The following IQUB variants were observed in gnomAD, a reference collection of about 807,000 sequenced individuals.
The protein encoded by IQUB is IQ motif and ubiquitin-like domain-containing protein.
A neutral mutation model predicts 86.4 loss-of-function variants in IQUB; 86 were observed. The ratio of observed to expected loss-of-function variants is 1.00; its 90% CI spans 0.84 to 1.19. The LOEUF (loss-of-function observed/expected upper bound fraction) is 1.19. Ranked by LOEUF, IQUB falls within the 50% of genes most tolerant of loss-of-function variation. IQUB has a pLI of 0.00. For missense variants in IQUB, 946 were observed against 916.9 expected (o/e 1.03, Z -0.41); for synonymous variants, 289 against 304.5 (o/e 0.95, Z 0.53).
Position 123,510,067 on chromosome 7 carries a change from G to T in IQUB, c.398-32C>A, listed in dbSNP as rs112242422. 221 of 1,430,888 alleles carry T rather than the reference G, an allele frequency of 1.5e-4. No homozygotes were observed. The African/African-American group carries it at 2.7e-3, about 18-fold the overall frequency. 88.6% of individuals were successfully genotyped at this position (1,430,888 alleles called of 1,614,324 possible). A position where few individuals can be genotyped will look rare whatever the true frequency, so the allele number is the denominator to read the frequency against. On this transcript the variant is annotated intron_variant, in intron 2 of 12. Coordinates refer to ENST00000324698, the MANE Select transcript of IQUB (RefSeq NM_178827.5). Reference sequence around the variant, plus strand: ...ATTAAATAGAAAAGAAAGAATTATAGTCAAATATAGCAAAGGTCAGCAAAC... The same window carrying T: ...ATTAAATAGAAAAGAAAGAATTATATTCAAATATAGCAAAGGTCAGCAAAC...
At chr7:123,507,499 C>T (rs1796234564) in intron 3 of IQUB, among the ~76,000 whole-genome samples, 1 of 152,166 alleles carries the variant, frequency 6.6e-6, no homozygotes, top group South Asian at 2.1e-4. Context: ...AATTGAGGAG[C>T]ATCTGTAGTC....
At chr7:123,526,847 T>C (rs1345602794) in intron 1 of IQUB, among the ~76,000 whole-genome samples, 2 of 152,240 alleles carry the variant, frequency 1.3e-5, no homozygotes, top group South Asian at 2.1e-4. Context: ...CAGTTGTTCC[T>C]TTCCACGTTT....
At chr7:123,524,220 GT>G (rs1351695365) in intron 1 of IQUB, among the ~76,000 whole-genome samples, 8 of 146,316 alleles carry the variant, frequency 5.5e-5, no homozygotes, top group African/African-American at 1.8e-4. Context: ...CTTTAAAGTA[GT>G]TTTTTCCAAT....
rs1296002931 is a variant in IQUB, at chr7:123,479,803, A to G, written c.1402T>C (p.Leu468=). The G allele has an allele frequency of 2.5e-6, 4 of 1,611,024 alleles. No homozygotes were observed. Reference sequence around the variant, plus strand: ...GTAGTCACTTCACTAACCTTATCCAAAAAAGCTTGTATTGCTGCTTCCTGA... The same window carrying G: ...GTAGTCACTTCACTAACCTTATCCAGAAAAGCTTGTATTGCTGCTTCCTGA... ...ANQEAAIQAF[L]DKCSAPKIWR... is the part of the protein sequence containing the mutation. The change falls in exon 8 of 13, where the codon TTG becomes CTG. Residue 468 remains leucine, a synonymous_variant. Coordinates refer to ENST00000324698, the MANE Select transcript of IQUB (RefSeq NM_178827.5).
intron 7 of IQUB, among the ~76,000 whole-genome samples, chr7:123,488,197 C>A (rs115267717): frequency 0.024 from 3,646 of 151,760 alleles, 126 homozygotes; most frequent in African/African-American, 0.075. Flanking sequence ...AAAAATTATC[C>A]GGGCGCGGTG....
intron 1 of IQUB, among the ~76,000 whole-genome samples, chr7:123,513,533 A>T (rs991810252): frequency 6.6e-6 from 1 of 151,950 alleles, no homozygotes. Flanking sequence ...TTTGCAGTCT[A>T]AAAAAAACCT....
At chr7:123,481,325 T>C (rs978565999) in intron 7 of IQUB, among the ~76,000 whole-genome samples, 1 of 152,142 alleles carries the variant, frequency 6.6e-6, no homozygotes, top group Non-Finnish European at 1.5e-5. Flanking sequence ...TCTGTCCATG[T>C]AAGTCAAGCT....
intron 1 of IQUB, among the ~76,000 whole-genome samples, chr7:123,526,160 GA>G (rs201571857): frequency 0.27 from 40,219 of 150,938 alleles, 5,673 homozygotes; most frequent in Middle Eastern, 0.36. Context: ...GTGTGGTGCT[GA>G]AAAAAATGTA....
intron 1 of IQUB, among the ~76,000 whole-genome samples, chr7:123,520,197 C>G (rs1796839610): frequency 6.6e-6 from 1 of 152,074 alleles, no homozygotes; most frequent in South Asian, 2.1e-4. Flanking sequence ...TTAGTTGTTA[C>G]TTGCCCATTT....
At chr7:123,467,578 C>T (rs1375744192) in intron 9 of IQUB, among the ~76,000 whole-genome samples, 1 of 152,180 alleles carries the variant, frequency 6.6e-6, no homozygotes, top group African/African-American at 2.4e-5. Context: ...CAAGTCCTGG[C>T]CCAGGTCCAG....
chr7:123,508,702 G>C (rs1796295220), intron 3 of IQUB, among the ~76,000 whole-genome samples: 1 of 152,164 alleles, frequency 6.6e-6, no homozygotes, highest in Non-Finnish European at 1.5e-5. Flanking sequence ...TCACCTTATA[G>C]TTAATGTGCA....
At chr7:123,501,436 G>A (rs1795938326) in intron 6 of IQUB, 1 of 152,094 alleles carries the variant, frequency 6.6e-6, no homozygotes, top group Non-Finnish European at 1.5e-5. Flanking sequence ...TTCTCCCAAG[G>A]ACACTCTACA....
intron 7 of IQUB, among the ~76,000 whole-genome samples, chr7:123,494,949 C>G (rs1562856126): frequency 6.6e-6 from 1 of 152,026 alleles, no homozygotes; most frequent in African/African-American, 2.4e-5. Flanking sequence ...ACAATGGTAT[C>G]CTTTAGTCAC....
At chr7:123,470,806 G>A (rs943862425) in intron 8 of IQUB, among the ~76,000 whole-genome samples, 3 of 151,120 alleles carry the variant, frequency 2.0e-5, no homozygotes, top group East Asian at 3.9e-4. Context: ...AGCCGAGATC[G>A]CGCCACTGCA....
At chr7:123,504,279 T>G (rs1225955355) in intron 3 of IQUB, among the ~76,000 whole-genome samples, 1 of 151,944 alleles carries the variant, frequency 6.6e-6, no homozygotes, top group Non-Finnish European at 1.5e-5. Context: ...GAAAACCCAG[T>G]CTCTACTAAA....
intron 1 of IQUB, among the ~76,000 whole-genome samples, chr7:123,517,347 C>T (rs1307878998): frequency 1.3e-5 from 2 of 151,398 alleles, no homozygotes; most frequent in Non-Finnish European, 2.9e-5. Flanking sequence ...CTGGCTAACA[C>T]GGTGAAACCC....
intron 7 of IQUB, among the ~76,000 whole-genome samples, chr7:123,488,214 G>A (rs1484167288): frequency 2.0e-5 from 3 of 151,772 alleles, no homozygotes; most frequent in Non-Finnish European, 1.5e-5. Context: ...GGTGGCCGGC[G>A]CCTGTAGTCC....
At chr7:123,479,220 A>G (rs1004908025) in intron 8 of IQUB, among the ~76,000 whole-genome samples, 3 of 152,158 alleles carry the variant, frequency 2.0e-5, no homozygotes, top group Admixed American at 2.0e-4. Context: ...CACTATGGAA[A>G]CAGACTATTC....
chr7:123,499,094 C>A (rs1795831411), intron 6 of IQUB, among the ~76,000 whole-genome samples: 1 of 151,740 alleles, frequency 6.6e-6, no homozygotes, highest in Non-Finnish European at 1.5e-5. Context: ...TAAATCCCAG[C>A]ATTCCAAAAT....
Sources: gnomAD v4.1 joint callset for allele counts (sites outside exome capture counted in the v4.1 genomes callset) on GRCh38, gnomAD v4.1.1 for gene constraint, MANE v1.5 for transcripts, NCBI Gene and HGNC (gene_info 2026-07-23, HGNC 2026-07-21) for gene names.